NKAIN3: variants seen among roughly 807,000 people sequenced by gnomAD.
NKAIN3 encodes the protein sodium/potassium transporting ATPase interacting 3.
NKAIN3 carries 25 observed loss-of-function variants against 30.2 expected under a neutral mutation model. The ratio of observed to expected loss-of-function variants is 0.83; its 90% CI spans 0.60 to 1.16. The LOEUF (loss-of-function observed/expected upper bound fraction) is 1.16. NKAIN3 is among the 50% of genes most tolerant of loss of function. The pLI is 0.00. For missense variants in NKAIN3, 225 were observed against 254.1 expected (o/e 0.89, Z 0.78); for synonymous variants, 91 against 89.6 (o/e 1.02, Z -0.09).
rs546360331 is a variant in NKAIN3, at chr8:62,951,873, T to A, written c.533-2029T>A. Among the ~76,000 whole-genome samples the A allele has an allele frequency of 2.5e-3, 382 of 152,292 alleles. 3 individuals are homozygous for A. Among genetic ancestry groups the A allele is most frequent in the African/African-American group, 8.7e-3 (361 of 41,564 alleles). ...TGGAGTGCAGTGGCATGATCTCAGC[T>A]CACTGCAACCTCCATCTCCCAGGTT... On this transcript the variant is annotated intron_variant, in intron 5 of 6. Coordinates refer to ENST00000623646, the MANE Select transcript of NKAIN3 (RefSeq NM_001304533.3).
chr8:62,463,440 G>A (rs1046102582), intron 1 of NKAIN3, among the ~76,000 whole-genome samples: 2 of 152,260 alleles, frequency 1.3e-5, no homozygotes, highest in Non-Finnish European at 1.5e-5. Context: ...GTCTTGTCGT[G>A]GAAGCTAGCA....
chr8:62,440,004 A>G (rs1402842564), intron 1 of NKAIN3, among the ~76,000 whole-genome samples: 1 of 152,200 alleles, frequency 6.6e-6, no homozygotes, highest in Non-Finnish European at 1.5e-5. Flanking sequence ...ATAGAAAGAC[A>G]TTCAGGACCC....
At chr8:62,909,938 C>T (rs1216361712) in intron 4 of NKAIN3, among the ~76,000 whole-genome samples, 1 of 152,072 alleles carries the variant, frequency 6.6e-6, no homozygotes, top group Non-Finnish European at 1.5e-5. Flanking sequence ...TGTCATCTAT[C>T]AAGACAATAT....
At chr8:62,554,624 G>A (rs1449528472) in intron 1 of NKAIN3, among the ~76,000 whole-genome samples, 1 of 151,998 alleles carries the variant, frequency 6.6e-6, no homozygotes. Context: ...ATTTTAAATG[G>A]TACTAGGCTA....
At chr8:62,788,595 A>G (rs1192801897) in intron 4 of NKAIN3, among the ~76,000 whole-genome samples, 1 of 152,166 alleles carries the variant, frequency 6.6e-6, no homozygotes, top group Non-Finnish European at 1.5e-5. Flanking sequence ...TGTTTTAGAC[A>G]TGAAGTCCTT....
chr8:62,624,665 C>T (rs1181722772), intron 3 of NKAIN3, among the ~76,000 whole-genome samples: 1 of 151,786 alleles, frequency 6.6e-6, no homozygotes, highest in East Asian at 1.9e-4. Context: ...TGGGGAAATT[C>T]ACAGTCATTG....
At chr8:62,468,589 C>T (rs1189786815) in intron 1 of NKAIN3, among the ~76,000 whole-genome samples, 3 of 152,188 alleles carry the variant, frequency 2.0e-5, no homozygotes, top group African/African-American at 7.2e-5. Context: ...TCTAAAGTTT[C>T]TTCATTGTTG....
At position 62,355,843 on chromosome 8, in the gene NKAIN3, A is replaced by G. The variant is rs1461825959; in HGVS notation, c.54+106716A>G. 2.6e-5 allele frequency among the ~76,000 whole-genome samples: 4 copies of G among 152,266 alleles called. No homozygotes were observed. In the East Asian group the frequency reaches 7.7e-4, roughly 29 times the overall value. ...TACATTCATATTAAGTTTATTTTTA[A>G]TACAGCAGCTGTTGTTTCTGTGCAT... On this transcript the variant is annotated intron_variant, in intron 1 of 6. Coordinates refer to ENST00000623646, the MANE Select transcript of NKAIN3 (RefSeq NM_001304533.3).
intron 1 of NKAIN3, among the ~76,000 whole-genome samples, chr8:62,361,875 A>T (rs954426383): frequency 6.6e-6 from 1 of 152,176 alleles, no homozygotes. Context: ...TCCTCTCCCT[A>T]TAATGCTCAA....
intron 4 of NKAIN3, among the ~76,000 whole-genome samples, chr8:62,903,093 C>T (rs1042825151): frequency 6.6e-6 from 1 of 152,116 alleles, no homozygotes; most frequent in African/African-American, 2.4e-5. Flanking sequence ...CAAGTGCTTC[C>T]CATACACATA....
intron 1 of NKAIN3, among the ~76,000 whole-genome samples, chr8:62,254,576 T>C (rs1014137502): frequency 6.6e-6 from 1 of 152,170 alleles, no homozygotes; most frequent in Non-Finnish European, 1.5e-5. Context: ...GAATCATTGG[T>C]AATAAAAAGG....
intron 3 of NKAIN3, among the ~76,000 whole-genome samples, chr8:62,619,860 A>AAATTGT (rs2130224282): frequency 6.6e-6 from 1 of 152,300 alleles, no homozygotes; most frequent in South Asian, 2.1e-4. Context: ...ACACCCTTGT[A>AAATTGT]AAATAAATTG....
At chr8:62,993,650 T>G (rs565272510) in intron 5 of NKAIN3, among the ~76,000 whole-genome samples, 1 of 152,282 alleles carries the variant, frequency 6.6e-6, no homozygotes, top group South Asian at 2.1e-4. Context: ...GAATCACTCT[T>G]GTCCTTAGCC....
At chr8:62,740,740 C>A (rs544586947) in intron 3 of NKAIN3, among the ~76,000 whole-genome samples, 1 of 151,844 alleles carries the variant, frequency 6.6e-6, no homozygotes, top group African/African-American at 2.4e-5. Context: ...TAATGAACAA[C>A]ATTTCAAATA....
intron 4 of NKAIN3, among the ~76,000 whole-genome samples, chr8:62,819,197 T>A (rs1400364603): frequency 6.7e-6 from 1 of 150,124 alleles, no homozygotes; most frequent in Non-Finnish European, 1.5e-5. Context: ...ACAATAACAG[T>A]ATTGTTATTT....
intron 1 of NKAIN3, among the ~76,000 whole-genome samples, chr8:62,480,553 A>G (rs779710320): frequency 6.6e-6 from 1 of 150,476 alleles, no homozygotes; most frequent in South Asian, 2.1e-4. Flanking sequence ...AAAAAAAGGA[A>G]TAGAGAAGAA....
At chr8:62,779,275 T>C (rs1817281700) in intron 4 of NKAIN3, among the ~76,000 whole-genome samples, 1 of 152,126 alleles carries the variant, frequency 6.6e-6, no homozygotes. Context: ...CACACAGCAC[T>C]AAAGCTTGCC....
chr8:62,497,771 G>A lies in NKAIN3; in HGVS notation c.55-81768G>A, dbSNP rs146950539. Among the ~76,000 whole-genome samples the A allele has an allele frequency of 2.3e-3, 352 of 152,202 alleles. 2 individuals are homozygous for A. The highest frequency in any genetic ancestry group is 3.4e-3 in the Non-Finnish European group (234 of 67,994). On this transcript the variant is annotated intron_variant, in intron 1 of 6. Transcript: ENST00000623646. The stretch of plus-strand genomic sequence containing the variant: ...GTGCAGTTGGTACCTTGACTCTGAG[G>A]CCCTTGAAGTCACTCTCTGGGTTCT...
chr8:62,766,580 G>T (rs1240652834), intron 4 of NKAIN3, among the ~76,000 whole-genome samples: 1 of 152,174 alleles, frequency 6.6e-6, no homozygotes, highest in Non-Finnish European at 1.5e-5. Flanking sequence ...CTTGAGTGCA[G>T]ATCATTGATG....
Sources: allele counts gnomAD v4.1 joint callset (sites outside exome capture counted in the v4.1 genomes callset), GRCh38; gene constraint gnomAD v4.1.1; transcripts MANE v1.5; gene names NCBI Gene and HGNC (gene_info 2026-07-23, HGNC 2026-07-21).